The following LHFPL4 variants were observed in gnomAD, a reference collection of about 807,000 sequenced individuals.
LHFPL4 encodes LHFPL tetraspan subfamily member 4.
LHFPL4 carries 6 observed loss-of-function variants against 20.0 expected under a neutral mutation model. The observed-to-expected ratio is 0.30, with a 90% confidence interval of 0.16 to 0.59. LHFPL4 has a LOEUF of 0.59. Among genes scored for constraint, LHFPL4 ranks in the 20% least tolerant of loss-of-function variants. The pLI, the probability that LHFPL4 is intolerant of heterozygous loss-of-function variation, is 0.88. For synonymous variants in LHFPL4, 129 were observed against 143.8 expected (o/e 0.90, Z 0.74); for missense variants, 215 against 331.2 (o/e 0.65, Z 2.72).
At chr3:9,531,112 A>C (rs1232443743) in intron 2 of LHFPL4, among the ~76,000 whole-genome samples, 1 of 152,232 alleles carries the variant, frequency 6.6e-6, no homozygotes, top group Non-Finnish European at 1.5e-5. Flanking sequence ...GCTGTCTTAC[A>C]TGGGCGCAGT....
intron 2 of LHFPL4, among the ~76,000 whole-genome samples, chr3:9,515,738 T>A (rs1002439129): frequency 4.6e-5 from 7 of 151,592 alleles, no homozygotes; most frequent in African/African-American, 1.7e-4. Context: ...TTTTTTCTTT[T>A]GAGAGGGAGT....
intron 2 of LHFPL4, among the ~76,000 whole-genome samples, chr3:9,547,689 C>T (rs1039373223): frequency 2.0e-5 from 3 of 152,320 alleles, no homozygotes; most frequent in African/African-American, 4.8e-5. Flanking sequence ...GATATCCTGC[C>T]TCTCTACTTA....
Position 9,507,152 on chromosome 3 carries a change from G to A in LHFPL4, c.407-949C>T, listed in dbSNP as rs772863691. 1.3e-3 allele frequency among the ~76,000 whole-genome samples: 200 copies of A among 152,204 alleles called. 4 individuals carry two copies. The highest frequency in any genetic ancestry group is 5.2e-4 in the Admixed American group (8 of 15,282). Reference sequence around the variant, plus strand: ...AGGGCGATTAGGAGGATTAAATGAAGTAATGCGTGCAAAACACTTAGCACG... The same window carrying A: ...AGGGCGATTAGGAGGATTAAATGAAATAATGCGTGCAAAACACTTAGCACG... On this transcript the variant is annotated intron_variant, in intron 2 of 3. Transcript: ENST00000287585.
chr3:9,509,934 G>C (rs573665390), intron 2 of LHFPL4, among the ~76,000 whole-genome samples: 10 of 152,304 alleles, frequency 6.6e-5, no homozygotes, highest in African/African-American at 2.4e-4. Context: ...TGTGCTCCAA[G>C]CTCGAGTCTC....
intron 2 of LHFPL4, among the ~76,000 whole-genome samples, chr3:9,532,772 G>A (rs2046418544): frequency 6.6e-6 from 1 of 152,194 alleles, no homozygotes; most frequent in South Asian, 2.1e-4. Flanking sequence ...CAGGCTGGGT[G>A]TGCTCAGGGT....
intron 2 of LHFPL4, among the ~76,000 whole-genome samples, chr3:9,546,330 A>G (rs1408785007): frequency 6.7e-6 from 1 of 148,600 alleles, no homozygotes; most frequent in Non-Finnish European, 1.5e-5. Flanking sequence ...AAAAAAAAAG[A>G]AAAAGAAAAA....
intron 2 of LHFPL4, among the ~76,000 whole-genome samples, chr3:9,542,872 C>A (rs1324485656): frequency 1.3e-5 from 2 of 149,690 alleles, no homozygotes; most frequent in Non-Finnish European, 3.0e-5. Flanking sequence ...CTAGAATAGG[C>A]TAATACATAG....
intron 2 of LHFPL4, among the ~76,000 whole-genome samples, chr3:9,527,311 G>A (rs1364628526): frequency 1.3e-5 from 2 of 152,144 alleles, no homozygotes; most frequent in Non-Finnish European, 2.9e-5. Flanking sequence ...GCTCATGCCT[G>A]TAATCCCAAC....
At position 9,500,423 on chromosome 3, in the gene LHFPL4, G is replaced by A. The variant is rs2046163238; in HGVS notation, c.*1788C>T. 1 of 152,556 alleles carries A rather than the reference G, an allele frequency of 6.6e-6. No homozygotes were observed. Among genetic ancestry groups the A allele is most frequent in the South Asian group, 2.1e-4 (1 of 4,832 alleles). The allele number at this position is 152,556 out of a possible 1,614,324, so 9.5% of individuals were successfully genotyped here. A position where few individuals can be genotyped will look rare whatever the true frequency, so the allele number is the denominator to read the frequency against. ...AGCACTGCGGGGAGGCTTTGCCCGG[G>A]AGGAGTAAGTGGAGGAGTGAAGTCG... On this transcript the variant is annotated 3_prime_UTR_variant, in exon 4 of 4. Coordinates refer to ENST00000287585, the MANE Select transcript of LHFPL4 (RefSeq NM_198560.3).
At chr3:9,509,351 T>C (rs1364975437) in intron 2 of LHFPL4, among the ~76,000 whole-genome samples, 1 of 151,722 alleles carries the variant, frequency 6.6e-6, no homozygotes, top group Admixed American at 6.6e-5. Flanking sequence ...TAACATTCAT[T>C]CAACTCCCTC....
chr3:9,521,005 C>T (rs963120137), intron 2 of LHFPL4, among the ~76,000 whole-genome samples: 3 of 152,098 alleles, frequency 2.0e-5, no homozygotes, highest in Admixed American at 1.3e-4. Context: ...AGAGAGGTCT[C>T]GAAGTCTCCA....
At chr3:9,542,086 G>A (rs1160981257) in intron 2 of LHFPL4, among the ~76,000 whole-genome samples, 1 of 151,986 alleles carries the variant, frequency 6.6e-6, no homozygotes, top group African/African-American at 2.4e-5. Flanking sequence ...GAGAGATCGA[G>A]ACCAGCCTGG....
At chr3:9,525,534 T>A (rs910952609) in intron 2 of LHFPL4, among the ~76,000 whole-genome samples, 2 of 152,346 alleles carry the variant, frequency 1.3e-5, no homozygotes, top group South Asian at 2.1e-4. Flanking sequence ...GCTTTTTACT[T>A]GCTGTTAGGA....
intron 2 of LHFPL4, among the ~76,000 whole-genome samples, chr3:9,509,870 A>C (rs2046245795): frequency 6.6e-6 from 1 of 152,236 alleles, no homozygotes; most frequent in African/African-American, 2.4e-5. Context: ...ACTGCAGATA[A>C]GGCAGGGTTC....
At position 9,552,127 on chromosome 3, in the gene LHFPL4, T is replaced by C; in HGVS notation, c.406+147A>G. On this transcript the variant is annotated intron_variant, in intron 2 of 3. Transcript: ENST00000287585. ...TCTCTGCAGCGTACCCCCTCCCCAA[T>C]ACCCACTGAGGGTCCGTCAGCCAAA... 20 of 727,992 alleles carry C rather than the reference T, an allele frequency of 2.7e-5. No homozygotes were observed. In the South Asian group the frequency reaches 3.7e-4, roughly 13 times the overall value. The allele number at this position is 727,992 out of a possible 1,614,324, so 45.1% of individuals were successfully genotyped here.
At chr3:9,546,506 C>T (rs910258619) in intron 2 of LHFPL4, among the ~76,000 whole-genome samples, 3 of 152,172 alleles carry the variant, frequency 2.0e-5, no homozygotes, top group African/African-American at 7.2e-5. Context: ...ACAATAAGCA[C>T]TTAGTATTGA....
At chr3:9,510,456 C>A (rs1441679303) in intron 2 of LHFPL4, among the ~76,000 whole-genome samples, 2 of 148,926 alleles carry the variant, frequency 1.3e-5, no homozygotes, top group African/African-American at 4.9e-5. Flanking sequence ...AAAAAAAGGC[C>A]CTAATGTAGG....
At chr3:9,514,976 T>C (rs1263281790) in intron 2 of LHFPL4, among the ~76,000 whole-genome samples, 1 of 152,168 alleles carries the variant, frequency 6.6e-6, no homozygotes, top group Non-Finnish European at 1.5e-5. Context: ...TATGTGGAGG[T>C]TTTGGTGTAG....
chr3:9,499,959 C>T lies in LHFPL4; in HGVS notation c.*2252G>A, dbSNP rs2046158875. The T allele has an allele frequency of 6.6e-6, 1 of 152,520 alleles. No individual in the cohort carries two copies. Among genetic ancestry groups the T allele is most frequent in the Admixed American group, 6.6e-5 (1 of 15,228 alleles). The allele number at this position is 152,520 out of a possible 1,614,324, so 9.4% of individuals were successfully genotyped here. Reference sequence around the variant, plus strand: ...CCGAGTCCTTTTTCCGCCTTTTCATCCATTTCCCCTCCCCCACCCCAAGCT... The same window carrying T: ...CCGAGTCCTTTTTCCGCCTTTTCATTCATTTCCCCTCCCCCACCCCAAGCT... On this transcript the variant is annotated 3_prime_UTR_variant, in exon 4 of 4. Transcript: ENST00000287585.
Sources: gnomAD v4.1 joint callset for allele counts (sites outside exome capture counted in the v4.1 genomes callset) on GRCh38, gnomAD v4.1.1 for gene constraint, MANE v1.5 for transcripts, NCBI Gene and HGNC (gene_info 2026-07-23, HGNC 2026-07-21) for gene names.